SLIT3: variants seen among roughly 807,000 people sequenced by gnomAD.
SLIT3 encodes the protein slit homolog 3 protein.
Under a neutral mutation model 184.0 loss-of-function variants are expected in SLIT3, and 68 were observed. That is an observed-to-expected ratio of 0.37 (90% CI 0.30 to 0.45). The LOEUF (loss-of-function observed/expected upper bound fraction) is 0.45, where lower values mean the gene tolerates loss of function less well. Among genes scored for constraint, SLIT3 ranks in the 20% least tolerant of loss-of-function variants. The pLI is 1.00. For missense variants in SLIT3, 1,707 were observed against 2,026.0 expected, an observed-to-expected ratio of 0.84 and a Z score of 3.02; for synonymous variants, 831 against 828.6, an observed-to-expected ratio of 1.00 and a Z score of -0.05.
In SLIT3 at chr5:169,041,057, G is replaced by T. The variant is rs377356358; in HGVS notation, c.413+152422C>A. Among the ~76,000 whole-genome samples the T allele has an allele frequency of 1.8e-3, 277 of 152,330 alleles. 3 individuals are homozygous for T. The highest frequency in any genetic ancestry group is 6.3e-3 in the African/African-American group (262 of 41,568). ...TTTACTGGATGAATATTCCACATTT[G>T]TCACTGTTTCCATGATTCCTAGTAT... On this transcript the variant is annotated intron_variant, in intron 4 of 35. Transcript: ENST00000519560.
intron 4 of SLIT3, among the ~76,000 whole-genome samples, chr5:169,137,525 C>T (rs1761565129): frequency 6.6e-6 from 1 of 152,046 alleles, no homozygotes; most frequent in African/African-American, 2.4e-5. Context: ...CTGCTCAGCT[C>T]CTGGCCAGGA....
At chr5:169,207,732 T>A (rs1480370230) in intron 3 of SLIT3, among the ~76,000 whole-genome samples, 1 of 152,140 alleles carries the variant, frequency 6.6e-6, no homozygotes, top group East Asian at 1.9e-4. Flanking sequence ...CCCACTAAAA[T>A]TCACATTCAA....
At chr5:169,179,556 G>T (rs932723983) in intron 4 of SLIT3, among the ~76,000 whole-genome samples, 1 of 152,140 alleles carries the variant, frequency 6.6e-6, no homozygotes, top group African/African-American at 2.4e-5. Context: ...GCTCACATCT[G>T]CTTGAAGAGA....
intron 4 of SLIT3, among the ~76,000 whole-genome samples, chr5:169,092,515 G>T (rs56221979): frequency 6.6e-6 from 1 of 152,136 alleles, no homozygotes; most frequent in Non-Finnish European, 1.5e-5. Context: ...AGCCAAAATG[G>T]TCAGGTCCTC....
At position 168,710,919 on chromosome 5, in the gene SLIT3, G is replaced by T; in HGVS notation, c.2695C>A (p.Pro899Thr). 1 of 1,557,428 alleles carries T rather than the reference G, an allele frequency of 6.4e-7. No homozygotes were observed. The highest frequency in any genetic ancestry group is 8.7e-7 in the Non-Finnish European group (1 of 1,149,692). Residue 899 changes from proline (P) to threonine (T), a missense_variant, in exon 25 of 36, where the codon CCA becomes ACA. Coordinates refer to ENST00000519560, the MANE Select transcript of SLIT3 (RefSeq NM_003062.4). ...CCTTTGCACTGGAAGCGGTGGGTTG[G>T]GGTGGTGAGCAGGAGCCTGTCAGCC... ...PMADRLLLTT[P>T]THRFQCKGPV...
chr5:169,173,713 G>T (rs1387640353), intron 4 of SLIT3, among the ~76,000 whole-genome samples: 1 of 152,240 alleles, frequency 6.6e-6, no homozygotes, highest in Non-Finnish European at 1.5e-5. Flanking sequence ...GAGGACAAGG[G>T]AATTAAATTG....
chr5:169,029,732 A>G (rs192438385), intron 4 of SLIT3, among the ~76,000 whole-genome samples: 62 of 152,324 alleles, frequency 4.1e-4, no homozygotes, highest in Admixed American at 1.8e-3. Context: ...TTACAATGAC[A>G]CATTCATTTT....
At chr5:168,708,941 G>A (rs761383614) in intron 25 of SLIT3, among the ~76,000 whole-genome samples, 1 of 152,152 alleles carries the variant, frequency 6.6e-6, no homozygotes, top group African/African-American at 2.4e-5. Flanking sequence ...GGCTCAACCC[G>A]ACTTCACATT....
intron 4 of SLIT3, among the ~76,000 whole-genome samples, chr5:169,148,296 A>T (rs1382562541): frequency 1.3e-5 from 2 of 152,180 alleles, no homozygotes; most frequent in Non-Finnish European, 2.9e-5. Context: ...ACTTTGCAAA[A>T]TGCTCCAACT....
chr5:169,256,506 G>A (rs923607580), intron 1 of SLIT3, among the ~76,000 whole-genome samples: 3 of 152,146 alleles, frequency 2.0e-5, no homozygotes, highest in African/African-American at 7.2e-5. Flanking sequence ...CAACGAAATT[G>A]CCAAGGACAC....
intron 1 of SLIT3, chr5:169,263,731 G>T (rs373720630): frequency 4.0e-6 from 2 of 505,690 alleles, no homozygotes; most frequent in Non-Finnish European, 8.0e-6. Context: ...GCTCCATCTC[G>T]TGCTGGCTTC....
intron 4 of SLIT3, among the ~76,000 whole-genome samples, chr5:169,061,507 G>A (rs776277003): frequency 6.6e-6 from 1 of 152,180 alleles, no homozygotes; most frequent in East Asian, 1.9e-4. Context: ...GGTTCTGATC[G>A]CAAAGCATCT....
At chr5:169,189,096 G>A (rs1364740607) in intron 4 of SLIT3, among the ~76,000 whole-genome samples, 1 of 152,242 alleles carries the variant, frequency 6.6e-6, no homozygotes, top group East Asian at 1.9e-4. Context: ...GAACTTCCAA[G>A]ATCTGGGATT....
intron 1 of SLIT3, among the ~76,000 whole-genome samples, chr5:169,251,934 A>G (rs758748824): frequency 3.9e-5 from 6 of 152,190 alleles, no homozygotes; most frequent in Non-Finnish European, 8.8e-5. Context: ...GCCAGAAGCC[A>G]TCTCACCGCC....
intron 29 of SLIT3, among the ~76,000 whole-genome samples, chr5:168,687,843 C>G (rs1050494973): frequency 2.0e-5 from 3 of 152,234 alleles, no homozygotes. Context: ...GCAAAAATCT[C>G]TTCTGCCTTA....
At chr5:168,787,993 T>C (rs1280574398) in intron 11 of SLIT3, among the ~76,000 whole-genome samples, 2 of 152,010 alleles carry the variant, frequency 1.3e-5, no homozygotes, top group African/African-American at 4.8e-5. Context: ...GAGTGAGAGG[T>C]GCTTCACTTA....
At chr5:168,890,580 T>G (rs931680163) in intron 4 of SLIT3, among the ~76,000 whole-genome samples, 4 of 152,240 alleles carry the variant, frequency 2.6e-5, no homozygotes, top group African/African-American at 4.8e-5. Flanking sequence ...TGTGGTTATG[T>G]TTTCTTTCAT....
At chr5:168,735,695 C>T (rs1763414633) in intron 20 of SLIT3, among the ~76,000 whole-genome samples, 1 of 138,620 alleles carries the variant, frequency 7.2e-6, no homozygotes, top group African/African-American at 2.5e-5. Context: ...CACACACACA[C>T]ACACACACAC....
chr5:169,277,408 T>G (rs750710544), intron 1 of SLIT3, among the ~76,000 whole-genome samples: 6 of 152,114 alleles, frequency 3.9e-5, no homozygotes, highest in Non-Finnish European at 5.9e-5. Context: ...GTTTTGTATT[T>G]TTTTACAGAT....
Sources: allele counts gnomAD v4.1 joint callset (sites outside exome capture counted in the v4.1 genomes callset), GRCh38; gene constraint gnomAD v4.1.1; transcripts MANE v1.5; gene names NCBI Gene and HGNC (gene_info 2026-07-23, HGNC 2026-07-21).